AKAP7: variants seen among roughly 807,000 people sequenced by gnomAD.
AKAP7 encodes A-kinase anchoring protein 7, also known as A kinase (PRKA) anchor protein 7.
In AKAP7, 39 loss-of-function variants were observed where a neutral mutation model predicts 39.5. The observed-to-expected ratio is 0.99, with a 90% CI of 0.76 to 1.29. The LOEUF is 1.29. Ranked by LOEUF, AKAP7 falls within the 50% of genes most tolerant of loss-of-function variation. The pLI is 0.00. For missense variants in AKAP7, 414 were observed against 407.7 expected (o/e 1.02, Z -0.13); for synonymous variants, 140 against 139.1 (o/e 1.01, Z -0.05).
upstream of AKAP7, among the ~76,000 whole-genome samples, chr6:131,133,886 G>T (rs1032832966): frequency 2.6e-5 from 4 of 152,208 alleles, no homozygotes; most frequent in Non-Finnish European, 5.9e-5. Flanking sequence ...TTTGCAGTAT[G>T]GGAAGGTTAC....
At chr6:131,178,589 C>T (rs1338713958) in intron 5 of AKAP7, among the ~76,000 whole-genome samples, 1 of 152,162 alleles carries the variant, frequency 6.6e-6, no homozygotes, top group East Asian at 1.9e-4. Flanking sequence ...TTCTAGTTGC[C>T]ATTTACTTCG....
chr6:131,221,840 T>C (rs1238421944), intron 7 of AKAP7, among the ~76,000 whole-genome samples: 1 of 152,216 alleles, frequency 6.6e-6, no homozygotes. Flanking sequence ...TTACTGCTCA[T>C]TGACAGTGCA....
At chr6:131,202,438 T>C (rs981107976) in intron 6 of AKAP7, among the ~76,000 whole-genome samples, 4 of 150,376 alleles carry the variant, frequency 2.7e-5, no homozygotes, top group African/African-American at 7.3e-5. Flanking sequence ...CCATAAAAAA[T>C]GATAAGTTCA....
chr6:131,250,538 A>G, intron 7 of AKAP7: 1 of 1,613,946 alleles, frequency 6.2e-7, no homozygotes, highest in Non-Finnish European at 8.5e-7. Flanking sequence ...ACGGAGAAGA[A>G]CACCAGGAAA....
rs569661965 is a variant in AKAP7 at position 131,203,302 on chromosome 6, C to A, written c.702+3729C>A. Among the ~76,000 whole-genome samples the A allele has an allele frequency of 1.6e-4, 25 of 152,190 alleles. No individual in the cohort carries two copies. In the South Asian group the frequency reaches 4.1e-3, roughly 25 times the overall value. On this transcript the variant is annotated intron_variant, in intron 6 of 7. Coordinates refer to ENST00000431975, the MANE Select transcript of AKAP7 (RefSeq NM_016377.4). ...ATTTTCTTCTCTCGGCACTAATTTT[C>A]TTCTAGATTTTTGTTCTGAATCCAT...
At chr6:131,256,708 C>CGTT (rs1491359241) in intron 7 of AKAP7, among the ~76,000 whole-genome samples, 6 of 148,428 alleles carry the variant, frequency 4.0e-5, no homozygotes, top group African/African-American at 1.5e-4. Flanking sequence ...CTTCCTGGGA[C>CGTT]ATTATTATTA....
At chr6:131,200,388 T>C (rs1351313224) in intron 6 of AKAP7, among the ~76,000 whole-genome samples, 1 of 152,248 alleles carries the variant, frequency 6.6e-6, no homozygotes, top group African/African-American at 2.4e-5. Flanking sequence ...ACCAGAGTTT[T>C]GGAGATGGGC....
chr6:131,160,268 T>A, intron 3 of AKAP7, 70 bp downstream of exon 3: 1 of 1,472,340 alleles, frequency 6.8e-7, no homozygotes, highest in Non-Finnish European at 9.3e-7. Context: ...TAAATGCTTA[T>A]TAGCCCACTT....
At position 131,282,524 on chromosome 6, in the gene AKAP7, A is replaced by G; in HGVS notation, c.*798A>G. On this transcript the variant is annotated 3_prime_UTR_variant, in exon 8 of 8. Coordinates refer to ENST00000431975, the MANE Select transcript of AKAP7 (RefSeq NM_016377.4). ...AAAGCCTGAGACTCAGGCCAGAATT[A>G]GGAGGGAGCTTTTTGAAGGAAGACT... is the stretch of plus-strand genomic sequence containing the variant. The G allele has an allele frequency of 1.3e-6, 2 of 1,535,946 alleles. No homozygotes were observed. The highest frequency in any genetic ancestry group is 8.7e-7 in the Non-Finnish European group (1 of 1,146,808).
intron 7 of AKAP7, among the ~76,000 whole-genome samples, chr6:131,252,706 T>C (rs1175635193): frequency 6.6e-6 from 1 of 152,224 alleles, no homozygotes; most frequent in African/African-American, 2.4e-5. Flanking sequence ...GTATCTAGTC[T>C]GTAAGTTGTG....
At chr6:131,132,936 G>C (rs1412829293), upstream of AKAP7, among the ~76,000 whole-genome samples, 1 of 152,136 alleles carries the variant, frequency 6.6e-6, no homozygotes, top group Non-Finnish European at 1.5e-5. Context: ...AGTATTTTGT[G>C]GGGGGTAGTA....
intron 1 of AKAP7, among the ~76,000 whole-genome samples, chr6:131,142,979 C>A (rs970310512): frequency 6.6e-6 from 1 of 152,184 alleles, no homozygotes; most frequent in Non-Finnish European, 1.5e-5. Flanking sequence ...AGCCTGTTGC[C>A]CCTTTCTTTT....
rs149180968 is a variant in AKAP7, at chr6:131,157,668, A to G, written c.152-2391A>G. 2.6e-4 allele frequency among the ~76,000 whole-genome samples: 40 copies of G among 152,368 alleles called. No homozygotes were observed. The East Asian group carries it at 5.6e-3, about 21-fold the overall frequency. On this transcript the variant is annotated intron_variant, in intron 2 of 7. Coordinates refer to ENST00000431975, the MANE Select transcript of AKAP7 (RefSeq NM_016377.4). ...TGGCATCATGAATGAGACAATTCAC[A>G]TAATTCTTATAACACAGATAAAAAT...
intron 2 of AKAP7, 136 bp from the exon 3 acceptor site, chr6:131,159,923 T>C (rs1802790204): frequency 1.2e-6 from 1 of 827,512 alleles, no homozygotes; most frequent in Admixed American, 3.5e-5. Context: ...TTTACAGAAA[T>C]GTTTGCAAAC....
chr6:131,184,756 G>A (rs1379651678), intron 5 of AKAP7: 3 of 1,068,700 alleles, frequency 2.8e-6, no homozygotes, highest in African/African-American at 3.1e-5. Context: ...GGAAACAGGA[G>A]TGGGTGGTTG....
rs765696105 is a variant in AKAP7, at chr6:131,160,045, C to T, written c.152-14C>T. 4 of 1,565,974 alleles carry T rather than the reference C, an allele frequency of 2.6e-6. No homozygotes were observed. In the Admixed American group the frequency reaches 8.7e-5, roughly 34 times the overall value. On this transcript the variant is annotated splice_polypyrimidine_tract_variant and intron_variant, in intron 2 of 7. Coordinates refer to ENST00000431975, the MANE Select transcript of AKAP7 (RefSeq NM_016377.4). The stretch of plus-strand genomic sequence containing the variant: ...TAAATGTATTAGACGTATTGTTTGA[C>T]TTTTTTCCTCTAGTCACTGATGAAC...
intron 7 of AKAP7, among the ~76,000 whole-genome samples, chr6:131,278,200 A>T (rs1814905003): frequency 6.6e-6 from 1 of 152,244 alleles, no homozygotes; most frequent in Admixed American, 6.5e-5. Context: ...TGAGAAGCCG[A>T]GGATATAATT....
At chr6:131,152,850 C>T (rs1359901611) in intron 2 of AKAP7, among the ~76,000 whole-genome samples, 1 of 145,928 alleles carries the variant, frequency 6.9e-6, no homozygotes, top group Non-Finnish European at 1.5e-5. Flanking sequence ...AAAAAAAGTC[C>T]GGGCGCGCTG....
intron 5 of AKAP7, among the ~76,000 whole-genome samples, chr6:131,192,404 A>G (rs1806501530): frequency 6.6e-6 from 1 of 152,066 alleles, no homozygotes; most frequent in Admixed American, 6.6e-5. Context: ...CTGTAGATAT[A>G]TTGATTTGTT....
Sources: allele counts gnomAD v4.1 joint callset (sites outside exome capture counted in the v4.1 genomes callset), GRCh38; gene constraint gnomAD v4.1.1; transcripts MANE v1.5; gene names NCBI Gene and HGNC (gene_info 2026-07-23, HGNC 2026-07-21).